TRAK2: variants seen among roughly 807,000 people sequenced by gnomAD.
TRAK2 encodes the protein trafficking kinesin-binding protein 2.
In TRAK2, 81 loss-of-function variants were observed where a neutral mutation model predicts 104.6. The observed-to-expected ratio is 0.77, with a 90% CI of 0.65 to 0.93. The LOEUF (loss-of-function observed/expected upper bound fraction) is 0.93, where lower values mean the gene tolerates loss of function less well. Ranked by LOEUF, TRAK2 falls within the 40% of genes least tolerant of loss-of-function variation. The pLI, the probability that TRAK2 is intolerant of heterozygous loss-of-function variation, is 0.00. For synonymous variants in TRAK2, 406 were observed against 394.4 expected (o/e 1.03, Z -0.35); for missense variants, 1,002 against 1,089.0 (o/e 0.92, Z 1.12).
chr2:201,414,837 G>T (rs1360922611), intron 2 of TRAK2, among the ~76,000 whole-genome samples: 8 of 74,498 alleles, frequency 1.1e-4, no homozygotes, highest in African/African-American at 2.8e-4. Context: ...GGTATTCAAC[G>T]GTATAGTGGA....
chr2:201,382,484 A>G (rs1951352870), intron 15 of TRAK2, among the ~76,000 whole-genome samples: 1 of 141,584 alleles, frequency 7.1e-6, no homozygotes, highest in African/African-American at 2.5e-5. Context: ...AGCCTCTGAT[A>G]TGGAACAGTC....
chr2:201,416,046 AC>A (rs1384779483), intron 2 of TRAK2, among the ~76,000 whole-genome samples: 1 of 151,796 alleles, frequency 6.6e-6, no homozygotes, highest in Non-Finnish European at 1.5e-5. Flanking sequence ...AAACACATGG[AC>A]AAAAAGCCAA....
At position 201,392,916 on chromosome 2, in the gene TRAK2, A is replaced by C. The variant is rs769426095; in HGVS notation, c.1106T>G (p.Phe369Cys). The stretch of plus-strand genomic sequence containing the variant: ...TCTTTCTTAGTTGCTTACCCCAGTA[A>C]AAGCTCCATATGATTGGGAGAAGTA... ...HLYFSQSYGA[F>C]TGESLAAEIE... The change falls in exon 10 of 16, where the codon TTT (phenylalanine) becomes TGT (cysteine). Residue 369 changes from phenylalanine (F) to cysteine (C), a missense_variant. Coordinates refer to ENST00000332624, the MANE Select transcript of TRAK2 (RefSeq NM_015049.3). 1.1e-5 allele frequency: 18 copies of C among 1,610,146 alleles called. No individual in the cohort carries two copies. The highest frequency in any genetic ancestry group is 1.5e-5 in the Non-Finnish European group (18 of 1,178,748).
At chr2:201,422,291 A>C (rs547491055) in intron 1 of TRAK2, among the ~76,000 whole-genome samples, 1 of 152,268 alleles carries the variant, frequency 6.6e-6, no homozygotes, top group South Asian at 2.1e-4. Context: ...TCTATAAATA[A>C]ATGGTTTAAT....
At chr2:201,444,452 A>T (rs956990094) in intron 1 of TRAK2, among the ~76,000 whole-genome samples, 3 of 151,000 alleles carry the variant, frequency 2.0e-5, no homozygotes, top group Non-Finnish European at 3.0e-5. Flanking sequence ...GGCCTTTGTA[A>T]CTGTTGTTCA....
At position 201,427,984 on chromosome 2, in the gene TRAK2, C is replaced by T. The variant is rs183490382; in HGVS notation, c.-199-7278G>A. ...TGTCTTCTTTTGAGAAGTGTCTATT[C>T]GTATCCTTTGCCTACTTTTTGATGG... On this transcript the variant is annotated intron_variant, in intron 1 of 15. Coordinates refer to ENST00000332624, the MANE Select transcript of TRAK2 (RefSeq NM_015049.3). 6.0e-3 allele frequency among the ~76,000 whole-genome samples: 920 copies of T among 152,242 alleles called. 3 individuals are homozygous for T. The highest frequency in any genetic ancestry group is 0.02 in the African/African-American group (851 of 41,538).
At chr2:201,449,860 G>C (rs868800014) in intron 1 of TRAK2, among the ~76,000 whole-genome samples, 1 of 152,000 alleles carries the variant, frequency 6.6e-6, no homozygotes, top group South Asian at 2.1e-4. Context: ...GGCCAGGCTG[G>C]TGTATTTCCT....
intron 1 of TRAK2, among the ~76,000 whole-genome samples, chr2:201,450,755 T>C (rs534869902): frequency 1.4e-4 from 21 of 151,682 alleles, no homozygotes; most frequent in Non-Finnish European, 2.6e-4. Flanking sequence ...CAAGAGCAAG[T>C]AACATCCCTA....
intron 10 of TRAK2, among the ~76,000 whole-genome samples, chr2:201,390,957 T>TTA (rs1323338131): frequency 2.0e-5 from 3 of 151,706 alleles, no homozygotes; most frequent in African/African-American, 4.8e-5. Context: ...TTATATATAT[T>TTA]TATATATATA....
intron 1 of TRAK2, among the ~76,000 whole-genome samples, chr2:201,443,854 C>T (rs1951944419): frequency 6.6e-6 from 1 of 152,150 alleles, no homozygotes; most frequent in African/African-American, 2.4e-5. Flanking sequence ...CAGGGTTCTT[C>T]TCCATTCTCT....
At chr2:201,381,246 A>T in intron 15 of TRAK2, 28 bp from the exon 16 acceptor site, 1 of 1,554,444 alleles carries the variant, frequency 6.4e-7, no homozygotes, top group South Asian at 1.2e-5. Context: ...AAAGTGGGAG[A>T]CAGTGTTTAA....
chr2:201,428,286 G>A (rs975258201), intron 1 of TRAK2, among the ~76,000 whole-genome samples: 16 of 152,292 alleles, frequency 1.1e-4, no homozygotes, highest in African/African-American at 3.6e-4. Flanking sequence ...TTCTTCTAGG[G>A]TTTTTATGGT....
chr2:201,412,093 TG>T, intron 2 of TRAK2: 1 of 1,103,874 alleles, frequency 9.1e-7, no homozygotes, highest in Non-Finnish European at 1.4e-6. Flanking sequence ...CAAGTTCAGG[TG>T]GAATTAATGT....
chr2:201,386,250 G>A lies in TRAK2; in HGVS notation c.1931C>T (p.Pro644Leu), dbSNP rs1396990662. The change falls in exon 14 of 16, where the codon CCA becomes CTA. Residue 644 changes from proline to leucine, a missense_variant. Coordinates refer to ENST00000332624, the MANE Select transcript of TRAK2 (RefSeq NM_015049.3). ...TGGTCCACCTGCTGAAGTAATGGGTGGCAGGAAGATCCCTGTTACTGGCTT... is the reference window on the plus strand; with the variant it reads ...TGGTCCACCTGCTGAAGTAATGGGTAGCAGGAAGATCCCTGTTACTGGCTT... ...TSKPVTGIFL[P>L]PITSAGGPVT... The A allele has an allele frequency of 1.2e-6, 2 of 1,613,980 alleles. No individual in the cohort carries two copies. The highest frequency in any genetic ancestry group is 1.7e-5 in the Admixed American group (1 of 59,994).
intron 10 of TRAK2, among the ~76,000 whole-genome samples, chr2:201,392,062 AG>A (rs1951453143): frequency 6.6e-6 from 1 of 152,170 alleles, no homozygotes; most frequent in African/African-American, 2.4e-5. Flanking sequence ...CCTCGTTTTT[AG>A]TAAATACACA....
At chr2:201,442,577 T>G (rs1398716921) in intron 1 of TRAK2, among the ~76,000 whole-genome samples, 2 of 152,174 alleles carry the variant, frequency 1.3e-5, no homozygotes, top group African/African-American at 4.8e-5. Flanking sequence ...GCAAATTCAG[T>G]CATCAACTGT....
In TRAK2 at chr2:201,399,419, C is replaced by T. The variant is rs550824634; in HGVS notation, c.438G>A (p.Gln146=). 6 of 1,612,504 alleles carry T rather than the reference C, an allele frequency of 3.7e-6. No individual in the cohort carries two copies. In the Admixed American group the frequency reaches 6.7e-5, roughly 18 times the overall value. Residue 146 remains glutamine (Q), a synonymous_variant, in exon 5 of 16, where the codon CAG becomes CAA. Transcript: ENST00000332624. ...CCAATTGCTCCTCCAGGGATTCGTT[C>T]TGCTCAGATAAGACATGGTTCCGCT... The part of the protein sequence containing the change: ...LLKRNHVLSE[Q]NESLEEQLGQ...
rs1951337573 is a variant in TRAK2, at chr2:201,380,968, G to T, written c.2320C>A (p.Pro774Thr). Residue 774 changes from proline to threonine, a missense_variant, in exon 16 of 16, where the codon CCT becomes ACT. Transcript: ENST00000332624. ...GATGGTGAATTTGGTGGTGTGGAAG[G>T]GATAGCCAGGGATTTAGGGAGAGGC... ...LQPLPKSLAI[P>T]STPPNSPSHS... is the part of the protein sequence containing the mutation. 1 of 1,614,140 alleles carries T rather than the reference G, an allele frequency of 6.2e-7. No individual in the cohort carries two copies. Among genetic ancestry groups the T allele is most frequent in the Middle Eastern group, 1.7e-4 (1 of 6,058 alleles).
At chr2:201,414,463 T>C (rs538140717) in intron 2 of TRAK2, among the ~76,000 whole-genome samples, 1 of 152,290 alleles carries the variant, frequency 6.6e-6, no homozygotes, top group Admixed American at 6.5e-5. Flanking sequence ...AAACAAATCC[T>C]TAAGAGAGTA....
Sources: gnomAD v4.1 joint callset for allele counts (sites outside exome capture counted in the v4.1 genomes callset) on GRCh38, gnomAD v4.1.1 for gene constraint, MANE v1.5 for transcripts, NCBI Gene and HGNC (gene_info 2026-07-23, HGNC 2026-07-21) for gene names.